DLGAP1: variants seen among roughly 807,000 people sequenced by gnomAD.
DLGAP1 encodes DLG associated protein 1.
Under a neutral mutation model 90.8 loss-of-function variants are expected in DLGAP1, and 11 were observed. The observed-to-expected ratio is 0.12, with a 90% CI of 0.08 to 0.20. DLGAP1 has a LOEUF of 0.20. DLGAP1 is among the 10% of genes least tolerant of loss of function. The pLI, the probability that DLGAP1 is intolerant of heterozygous loss-of-function variation, is 1.00. For synonymous variants in DLGAP1, 558 were observed against 540.7 expected (o/e 1.03, Z -0.44); for missense variants, 1,050 against 1,333.8 (o/e 0.79, Z 3.31).
chr18:3,634,132 CAAG>C (rs1337477527), intron 7 of DLGAP1, among the ~76,000 whole-genome samples: 2 of 151,826 alleles, frequency 1.3e-5, no homozygotes, highest in African/African-American at 4.8e-5. Context: ...GTATTATACA[CAAG>C]AATACACAAG....
At chr18:4,008,599 T>G (rs112389746) in intron 2 of DLGAP1, among the ~76,000 whole-genome samples, 2 of 152,210 alleles carry the variant, frequency 1.3e-5, no homozygotes, top group African/African-American at 4.8e-5. Context: ...TCATTTTTCA[T>G]GCCTAGCAAT....
intron 7 of DLGAP1, among the ~76,000 whole-genome samples, chr18:3,583,186 C>CTACCTACCTACCTACA (rs1344353233): frequency 5.0e-5 from 7 of 141,288 alleles, no homozygotes. Flanking sequence ...ACCTACCTAC[C>CTACCTACCTACCTACA]TTCCTTCCTT....
At chr18:3,504,250 C>G (rs555445117) in intron 11 of DLGAP1, among the ~76,000 whole-genome samples, 6 of 151,768 alleles carry the variant, frequency 4.0e-5, no homozygotes, top group Admixed American at 2.0e-4. Flanking sequence ...ACAGAGAAAC[C>G]CTTTCATTAA....
intron 1 of DLGAP1, among the ~76,000 whole-genome samples, chr18:4,388,434 AC>A (rs1468586648): frequency 2.0e-5 from 3 of 152,154 alleles, no homozygotes; most frequent in African/African-American, 4.8e-5. Flanking sequence ...ACCTGGAGAT[AC>A]TAGAGCTAGG....
intron 1 of DLGAP1, among the ~76,000 whole-genome samples, chr18:4,266,515 C>T (rs1188227526): frequency 1.3e-5 from 2 of 152,186 alleles, no homozygotes; most frequent in African/African-American, 4.8e-5. Context: ...TGGGGAGGAC[C>T]TTTGCTTCTT....
intron 4 of DLGAP1, among the ~76,000 whole-genome samples, chr18:3,815,049 T>G (rs1182016701): frequency 6.6e-6 from 1 of 152,250 alleles, no homozygotes; most frequent in Non-Finnish European, 1.5e-5. Context: ...ATCTCAGTTT[T>G]CTCATGCTGA....
Position 3,664,190 on chromosome 18 carries a change from ACACACACACACACACACACACACACACC to A in DLGAP1, c.1591+64917_1591+64944del, listed in dbSNP as rs1341685521. Among the ~76,000 whole-genome samples, 9 of 129,856 alleles carry A rather than the reference ACACACACACACACACACACACACACACC, an allele frequency of 6.9e-5. No homozygotes were observed. The East Asian group carries it at 8.2e-4, about 12-fold the overall frequency. The allele number at this position is 129,856 out of a possible 152,430, so 85.2% of individuals were successfully genotyped here. ...CATAATTATGGGTCAGTATACACAC[ACACACACACACACACACACACACACACC>A]CACACACACACACACACACGGATAT... On this transcript the variant is annotated intron_variant, in intron 7 of 12. Coordinates refer to ENST00000315677, the MANE Select transcript of DLGAP1 (RefSeq NM_004746.4).
intron 1 of DLGAP1, among the ~76,000 whole-genome samples, chr18:4,379,497 CT>C (rs1156900162): frequency 6.6e-6 from 1 of 152,160 alleles, no homozygotes; most frequent in Non-Finnish European, 1.5e-5. Flanking sequence ...CACCCAAATT[CT>C]TCCTTTTTCT....
At chr18:4,194,546 G>A (rs1448720383) in intron 1 of DLGAP1, among the ~76,000 whole-genome samples, 2 of 152,100 alleles carry the variant, frequency 1.3e-5, no homozygotes, top group African/African-American at 4.8e-5. Context: ...CTCTACATAT[G>A]TGTGAGAGTG....
At chr18:3,831,450 T>C (rs899870250) in intron 4 of DLGAP1, among the ~76,000 whole-genome samples, 3 of 152,186 alleles carry the variant, frequency 2.0e-5, no homozygotes, top group African/African-American at 7.2e-5. Flanking sequence ...GTTTGGGAGA[T>C]GCTTTATACT....
In DLGAP1 at chr18:3,600,739, G is replaced by T. The variant is rs1229981273; in HGVS notation, c.1592-18491C>A. ...AGATATAGAGATATAGATATATATA[G>T]ATATATAGATATATATAGATATATA... On this transcript the variant is annotated intron_variant, in intron 7 of 12. Transcript: ENST00000315677. 8.1e-3 allele frequency among the ~76,000 whole-genome samples: 90 copies of T among 11,072 alleles called. 1 individual carries two copies. Among genetic ancestry groups the T allele is most frequent in the Middle Eastern group, 0.026 (1 of 38 alleles). The allele number at this position is 11,072 out of a possible 152,430, so 7.3% of individuals were successfully genotyped here. A position where few individuals can be genotyped will look rare whatever the true frequency, so the allele number is the denominator to read the frequency against.
intron 7 of DLGAP1, among the ~76,000 whole-genome samples, chr18:3,655,077 C>G (rs2059434610): frequency 6.6e-6 from 1 of 152,118 alleles, no homozygotes; most frequent in Admixed American, 6.6e-5. Flanking sequence ...CCTCACCACT[C>G]CAACCCCCAC....
chr18:4,043,535 T>C (rs1430191454), intron 2 of DLGAP1, among the ~76,000 whole-genome samples: 1 of 151,380 alleles, frequency 6.6e-6, no homozygotes, highest in Non-Finnish European at 1.5e-5. Flanking sequence ...AATTTAGATG[T>C]AACCTACATC....
At chr18:3,970,569 T>A (rs1390971211) in intron 3 of DLGAP1, among the ~76,000 whole-genome samples, 3 of 152,102 alleles carry the variant, frequency 2.0e-5, no homozygotes, top group Admixed American at 6.6e-5. Flanking sequence ...GTTGGCCTCA[T>A]CAAGAAGTAC....
intron 2 of DLGAP1, among the ~76,000 whole-genome samples, chr18:4,041,596 C>T (rs1179857092): frequency 6.6e-6 from 1 of 152,124 alleles, no homozygotes; most frequent in Non-Finnish European, 1.5e-5. Flanking sequence ...ACCACAAAAC[C>T]AAAGCAAAGA....
chr18:4,412,542 C>T (rs2082802113), intron 1 of DLGAP1, among the ~76,000 whole-genome samples: 5 of 152,128 alleles, frequency 3.3e-5, no homozygotes, highest in Admixed American at 2.0e-4. Flanking sequence ...ACATGCATGG[C>T]TAGAGCTGAG....
intron 2 of DLGAP1, among the ~76,000 whole-genome samples, chr18:4,060,953 T>C (rs1297538122): frequency 6.6e-6 from 1 of 152,156 alleles, no homozygotes; most frequent in African/African-American, 2.4e-5. Flanking sequence ...ACTAAATGCA[T>C]CATGAAGTGC....
At position 4,023,128 on chromosome 18, in the gene DLGAP1, C is replaced by T. The variant is rs564675164; in HGVS notation, c.-158-17927G>A. On this transcript the variant is annotated intron_variant, in intron 2 of 12. Transcript: ENST00000315677. ...TCAATCTGATGATTATAGACTGACA[C>T]TTTATCAATGATTTAATTAGTATTT... Among the ~76,000 whole-genome samples, 3 of 152,276 alleles carry T rather than the reference C, an allele frequency of 2.0e-5. No homozygotes were observed. The East Asian group carries it at 5.8e-4, about 29-fold the overall frequency.
intron 10 of DLGAP1, among the ~76,000 whole-genome samples, chr18:3,519,069 A>T (rs965027871): frequency 6.6e-6 from 1 of 152,198 alleles, no homozygotes; most frequent in African/African-American, 2.4e-5. Flanking sequence ...TCCCCCAGCC[A>T]TCAGAGCTAG....
Sources: gnomAD v4.1 joint callset for allele counts (sites outside exome capture counted in the v4.1 genomes callset) on GRCh38, gnomAD v4.1.1 for gene constraint, MANE v1.5 for transcripts, NCBI Gene and HGNC (gene_info 2026-07-23, HGNC 2026-07-21) for gene names.